DISP1: variants seen among roughly 807,000 people sequenced by gnomAD.
DISP1 encodes the protein dispatched RND transporter family member 1, also known as protein dispatched homolog 1.
DISP1 carries 30 observed loss-of-function variants against 37.3 expected under a neutral mutation model. The observed-to-expected ratio is 0.80, with a 90% confidence interval of 0.60 to 1.09. The LOEUF (loss-of-function observed/expected upper bound fraction) is 1.09. Among genes scored for constraint, DISP1 ranks in the 50% least tolerant of loss-of-function variants. The pLI, the probability that DISP1 is intolerant of heterozygous loss-of-function variation, is 0.00. For missense variants in DISP1, 1,598 were observed against 1,879.5 expected (o/e 0.85, Z 2.77); for synonymous variants, 634 against 690.2 (o/e 0.92, Z 1.28).
intron 1 of DISP1, among the ~76,000 whole-genome samples, chr1:222,903,518 A>G (rs917886741): frequency 3.3e-5 from 5 of 152,100 alleles, no homozygotes; most frequent in South Asian, 2.1e-4. Context: ...CTAAATTTAT[A>G]TATGTAAATA....
chr1:222,988,996 C>T (rs1387341890), intron 4 of DISP1, among the ~76,000 whole-genome samples: 3 of 152,224 alleles, frequency 2.0e-5, no homozygotes, highest in African/African-American at 7.2e-5. Flanking sequence ...AGTGCCTGTG[C>T]ACATGCTCCC....
chr1:222,822,686 T>C (rs1391280722), intron 1 of DISP1, among the ~76,000 whole-genome samples: 1 of 152,224 alleles, frequency 6.6e-6, no homozygotes, highest in Non-Finnish European at 1.5e-5. Flanking sequence ...CTACAGTTGA[T>C]AAGTTTTGGT....
Position 222,897,954 on chromosome 1 carries a change from T to C in DISP1, c.-158-30476T>C, listed in dbSNP as rs140924810. On this transcript the variant is annotated intron_variant, in intron 1 of 8. Transcript: ENST00000675850. ...GAATCATAGGAATATTTAAGTCTTA[T>C]GTCTTCGCAGTAAGTAGTACATTTT... is the stretch of plus-strand genomic sequence containing the variant. Among the ~76,000 whole-genome samples, 449 of 152,316 alleles carry C rather than the reference T, an allele frequency of 2.9e-3. 3 individuals carry two copies. Among genetic ancestry groups the C allele is most frequent in the African/African-American group, 0.01 (436 of 41,594 alleles).
intron 1 of DISP1, among the ~76,000 whole-genome samples, chr1:222,870,814 T>G (rs966690120): frequency 2.6e-5 from 4 of 152,196 alleles, no homozygotes; most frequent in South Asian, 2.1e-4. Flanking sequence ...ATTTGTCAAT[T>G]TTGGATTTTG....
intron 1 of DISP1, among the ~76,000 whole-genome samples, chr1:222,888,874 A>G (rs1670787686): frequency 6.6e-6 from 1 of 151,794 alleles, no homozygotes; most frequent in Non-Finnish European, 1.5e-5. Context: ...TAGTTTATTC[A>G]GTTGCTTACT....
At chr1:222,869,808 C>CT (rs1189281678) in intron 1 of DISP1, among the ~76,000 whole-genome samples, 1 of 151,804 alleles carries the variant, frequency 6.6e-6, no homozygotes, top group African/African-American at 2.4e-5. Context: ...TATTATTATA[C>CT]TTTAAGTTTT....
At chr1:222,971,470 C>T (rs1319503259) in intron 3 of DISP1, among the ~76,000 whole-genome samples, 1 of 151,016 alleles carries the variant, frequency 6.6e-6, no homozygotes, top group Admixed American at 6.6e-5. Flanking sequence ...TGTATGATAC[C>T]GAATAATTCT....
chr1:222,963,164 A>G (rs765337185), intron 3 of DISP1, among the ~76,000 whole-genome samples: 1 of 152,128 alleles, frequency 6.6e-6, no homozygotes, highest in Non-Finnish European at 1.5e-5. Context: ...GCCAAGAAAC[A>G]TGAGAAAAGA....
At chr1:222,835,446 A>G (rs1666805248) in intron 1 of DISP1, among the ~76,000 whole-genome samples, 1 of 152,202 alleles carries the variant, frequency 6.6e-6, no homozygotes, top group Non-Finnish European at 1.5e-5. Context: ...GCTATATGAC[A>G]TGAACAATGT....
intron 1 of DISP1, among the ~76,000 whole-genome samples, chr1:222,909,766 G>A (rs1324596504): frequency 6.6e-6 from 1 of 152,202 alleles, no homozygotes; most frequent in East Asian, 1.9e-4. Flanking sequence ...GGAACTCTGA[G>A]CCTGCCAAGC....
intron 3 of DISP1, among the ~76,000 whole-genome samples, chr1:222,953,808 TTTTATTA>T (rs1308088943): frequency 1.3e-5 from 2 of 152,198 alleles, no homozygotes; most frequent in Non-Finnish European, 2.9e-5. Flanking sequence ...AGAGTTCTTC[TTTTATTA>T]TAAATGAACA....
At chr1:222,866,194 T>C (rs1669180133) in intron 1 of DISP1, among the ~76,000 whole-genome samples, 1 of 152,164 alleles carries the variant, frequency 6.6e-6, no homozygotes, top group South Asian at 2.1e-4. Context: ...GCAAATGCCA[T>C]TTTCTTTCTG....
intron 3 of DISP1, among the ~76,000 whole-genome samples, chr1:222,946,793 G>C (rs997274363): frequency 6.6e-6 from 1 of 152,204 alleles, no homozygotes; most frequent in Non-Finnish European, 1.5e-5. Context: ...AGAGGGAACA[G>C]TTTGTGCAAA....
intron 2 of DISP1, among the ~76,000 whole-genome samples, chr1:222,929,972 A>G (rs1252982553): frequency 2.0e-5 from 3 of 152,156 alleles, no homozygotes; most frequent in African/African-American, 7.2e-5. Flanking sequence ...ATTGATTATG[A>G]AAAAATGTGT....
intron 1 of DISP1, among the ~76,000 whole-genome samples, chr1:222,827,919 C>G (rs983153396): frequency 3.3e-5 from 5 of 152,128 alleles, no homozygotes; most frequent in African/African-American, 1.2e-4. Flanking sequence ...AGTTGTGATA[C>G]TCAAGCTGAA....
intron 1 of DISP1, among the ~76,000 whole-genome samples, chr1:222,862,504 A>C (rs548284579): frequency 6.7e-6 from 1 of 149,828 alleles, no homozygotes; most frequent in East Asian, 2.0e-4. Context: ...TTTGTTTTCA[A>C]ATTTGTCCAT....
intron 1 of DISP1, among the ~76,000 whole-genome samples, chr1:222,837,631 AAAC>A (rs1307133385): frequency 6.6e-6 from 1 of 152,204 alleles, no homozygotes; most frequent in East Asian, 1.9e-4. Flanking sequence ...AGAAAAATAA[AAAC>A]AAGGATTCTT....
chr1:222,941,241 T>C (rs1674366397), intron 2 of DISP1, among the ~76,000 whole-genome samples: 1 of 152,234 alleles, frequency 6.6e-6, no homozygotes, highest in African/African-American at 2.4e-5. Context: ...GTTGGGTATA[T>C]TCTTTGAATG....
At chr1:222,990,380 T>C (rs1464271021) in intron 4 of DISP1, among the ~76,000 whole-genome samples, 1 of 152,226 alleles carries the variant, frequency 6.6e-6, no homozygotes, top group Non-Finnish European at 1.5e-5. Flanking sequence ...TGGCATAAAG[T>C]GCTACTTGAT....
Sources: allele counts gnomAD v4.1 joint callset (sites outside exome capture counted in the v4.1 genomes callset), GRCh38; gene constraint gnomAD v4.1.1; transcripts MANE v1.5; gene names NCBI Gene and HGNC (gene_info 2026-07-23, HGNC 2026-07-21).